Variants in CASKIN1 observed in about 807,000 individuals in gnomAD.
CASKIN1 encodes CASK interacting protein 1.
A neutral mutation model predicts 117.5 loss-of-function variants in CASKIN1; 42 were observed. The ratio of observed to expected loss-of-function variants is 0.36; its 90% CI spans 0.28 to 0.46. The LOEUF is 0.46. Ranked by LOEUF, CASKIN1 falls within the 20% of genes least tolerant of loss-of-function variation. The probability of loss-of-function intolerance (pLI) is 1.00; values close to 1 mark genes in which losing one functional copy is unlikely to be tolerated. For synonymous variants in CASKIN1, 1,148 were observed against 961.7 expected, an observed-to-expected ratio of 1.19 and a Z score of -3.59; for missense variants, 2,083 against 2,077.3, an observed-to-expected ratio of 1.00 and a Z score of -0.05.
At position 2,189,448 on chromosome 16, in the gene CASKIN1, G is replaced by A. The variant is rs752609040; in HGVS notation, c.361C>T (p.Leu121=). The stretch of plus-strand genomic sequence containing the variant: ...TCATAGTGACCATGCTGGGCCGCCA[G>A]GTGCAGGGGGATGTGGCCCTCATCA... ...PSDEGHIPLH[L]AAQHGHYDVS... is the part of the protein sequence containing the mutation. The change falls in exon 4 of 20, where the codon CTG becomes TTG. Residue 121 remains leucine, a synonymous_variant. Transcript: ENST00000343516. 3 of 1,612,092 alleles carry A rather than the reference G, an allele frequency of 1.9e-6. No homozygotes were observed. Among genetic ancestry groups the A allele is most frequent in the Non-Finnish European group, 2.5e-6 (3 of 1,179,710 alleles).
In CASKIN1 at chr16:2,179,452, G is replaced by T; in HGVS notation, c.3776-127C>A. On this transcript the variant is annotated intron_variant, in intron 18 of 19. Coordinates refer to ENST00000343516, the MANE Select transcript of CASKIN1 (RefSeq NM_020764.4). The surrounding 1 kb of genome is among the most constrained non-coding windows in gnomAD (Gnocchi z 5.8). ...CCTGCTCACCTTGCCCCCAGCCCTG[G>T]ATGGATGAGAGGGTCTGGGGACACG... The T allele has an allele frequency of 7.2e-7, 1 of 1,383,010 alleles. No individual in the cohort carries two copies. Among genetic ancestry groups the T allele is most frequent in the Non-Finnish European group, 9.3e-7 (1 of 1,073,942 alleles). 85.7% of individuals were successfully genotyped at this position (1,383,010 alleles called of 1,614,324 possible).
At chr16:2,186,002 G>T (rs915759897) in intron 10 of CASKIN1, among the ~76,000 whole-genome samples, 4 of 151,730 alleles carry the variant, frequency 2.6e-5, no homozygotes, top group Admixed American at 6.6e-5. Flanking sequence ...TTTTTTTTGA[G>T]ACAGGGTCTT....
chr16:2,195,690 G>A (rs563390901), intron 1 of CASKIN1, among the ~76,000 whole-genome samples: 144 of 152,322 alleles, frequency 9.5e-4, no homozygotes, highest in African/African-American at 3.5e-3. Flanking sequence ...CTCTGCTGGA[G>A]CCTGCCTGAG....
At position 2,180,843 on chromosome 16, in the gene CASKIN1, C is replaced by T. The variant is rs748737318; in HGVS notation, c.2525G>A (p.Gly842Asp). The T allele has an allele frequency of 7.9e-6, 11 of 1,388,736 alleles. No individual in the cohort carries two copies. In the Admixed American group the frequency reaches 3.9e-4, roughly 50 times the overall value. The allele number at this position is 1,388,736 out of a possible 1,614,324, so 86.0% of individuals were successfully genotyped here. The change falls in exon 18 of 20, where the codon GGC becomes GAC. Residue 842 changes from glycine (G) to aspartate (D), a missense_variant. This residue lies in a region of CASKIN1 where 1,818 missense variants were observed against 1,688.9 expected (regional missense o/e 1.08). Transcript: ENST00000343516. ...FAYVLPQPVE[G>D]EVGPAAPGPA... ...CCCCGGGGCAGCCGGCCCCACCTCG[C>T]CCTCCACGGGCTGGGGCAGCACGTA...
chr16:2,190,857 C>T, intron 1 of CASKIN1, among the ~76,000 whole-genome samples: 2 of 152,324 alleles, frequency 1.3e-5, no homozygotes, highest in Non-Finnish European at 2.9e-5. Flanking sequence ...CGTGCAGCAC[C>T]CCCACTGCCA....
In CASKIN1 at chr16:2,180,546, C is replaced by T. The variant is rs751969722; in HGVS notation, c.2822G>A (p.Arg941Gln). ...NRSQSFAVRP[R>Q]KKGPPPPPPK... The stretch of plus-strand genomic sequence containing the variant: ...TGGGGGCGGCGGGGGCCCCTTCTTT[C>T]GGGGCCGCACGGCAAAGGACTGGCT... Residue 941 changes from arginine to glutamine, a missense_variant, in exon 18 of 20, where the codon CGA becomes CAA. Transcript: ENST00000343516. 6.5e-6 allele frequency: 10 copies of T among 1,545,104 alleles called. No individual in the cohort carries two copies. The highest frequency in any genetic ancestry group is 1.7e-6 in the Non-Finnish European group (2 of 1,151,956).
chr16:2,187,523 C>A (rs2093188515), intron 6 of CASKIN1, 62 bp from the exon 7 acceptor site: 2 of 1,343,736 alleles, frequency 1.5e-6, no homozygotes, highest in East Asian at 2.4e-5. Context: ...CCAGCACCCC[C>A]AAGCCAGGCC....
chr16:2,177,653 G>A lies in CASKIN1; in HGVS notation c.*897C>T, dbSNP rs2141302833. 4.2e-6 allele frequency: 1 copy of A among 239,780 alleles called. No individual in the cohort carries two copies. Among genetic ancestry groups the A allele is most frequent in the Admixed American group, 5.4e-5 (1 of 18,570 alleles). The allele number at this position is 239,780 out of a possible 1,614,324, so 14.9% of individuals were successfully genotyped here. A position where few individuals can be genotyped will look rare whatever the true frequency, so the allele number is the denominator to read the frequency against. On this transcript the variant is annotated 3_prime_UTR_variant, in exon 20 of 20. Coordinates refer to ENST00000343516, the MANE Select transcript of CASKIN1 (RefSeq NM_020764.4). ...GGAGAGGGGGCCAGGCACACCCTCA[G>A]AGGAGCTGCAAGCCCGTGGCCTGGC...
At position 2,178,356 on chromosome 16, in the gene CASKIN1, T is replaced by C. The variant is rs2093150695; in HGVS notation, c.*194A>G. 2.2e-6 allele frequency: 1 copy of C among 463,956 alleles called. No homozygotes were observed. Among genetic ancestry groups the C allele is most frequent in the African/African-American group, 2.1e-5 (1 of 47,112 alleles). 28.7% of individuals were successfully genotyped at this position (463,956 alleles called of 1,614,324 possible). On this transcript the variant is annotated 3_prime_UTR_variant, in exon 20 of 20. Transcript: ENST00000343516. ...GTGGGGAGGACCCGCGGGCGCAGGG[T>C]CTGCCTAGAGCCCTTGGAGCCCCCG...
Position 2,196,202 on chromosome 16 carries a change from G to A in CASKIN1, c.94+137C>T. On this transcript the variant is annotated intron_variant, in intron 1 of 19. Transcript: ENST00000343516. This position sits in a 1 kb window ranked among gnomAD's most constrained non-coding sequence, Gnocchi z 5.7. ...CAGCGGGTGGAGGGCACGGACCAAG[G>A]GTCTGGGCGCTGCTGGCCCCGCCCC... 7.7e-6 allele frequency: 2 copies of A among 259,776 alleles called. No homozygotes were observed. 16.1% of individuals were successfully genotyped at this position (259,776 alleles called of 1,614,324 possible). A position where few individuals can be genotyped will look rare whatever the true frequency, so the allele number is the denominator to read the frequency against.
At chr16:2,188,758 G>C (rs2093192264) in intron 6 of CASKIN1, 1 of 447,762 alleles carries the variant, frequency 2.2e-6, no homozygotes, top group Non-Finnish European at 4.0e-6. Flanking sequence ...TTACGGATGG[G>C]AAAGTGAGGC....
chr16:2,194,406 C>A (rs1029717812), intron 1 of CASKIN1, among the ~76,000 whole-genome samples: 1 of 151,960 alleles, frequency 6.6e-6, no homozygotes, highest in Non-Finnish European at 1.5e-5. Context: ...CAGGGCGAGT[C>A]GGGGGCTGGC....
intron 1 of CASKIN1, among the ~76,000 whole-genome samples, chr16:2,192,279 G>A (rs543946002): frequency 6.6e-6 from 1 of 151,798 alleles, no homozygotes; most frequent in African/African-American, 2.4e-5. Context: ...TTCCAACCTG[G>A]GTGACAGAGC....
chr16:2,179,884 C>T lies in CASKIN1; in HGVS notation c.3484G>A (p.Glu1162Lys), dbSNP rs1191475083. 1 of 1,605,322 alleles carries T rather than the reference C, an allele frequency of 6.2e-7. No homozygotes were observed. Among genetic ancestry groups the T allele is most frequent in the Non-Finnish European group, 8.5e-7 (1 of 1,176,120 alleles). Residue 1162 changes from glutamate (E) to lysine (K), a missense_variant, in exon 18 of 20, where the codon GAG (glutamate) becomes AAG (lysine). Glu to Lys is a moderately conservative substitution (Grantham distance 56). Transcript: ENST00000343516. The surrounding 1 kb of genome is among the most constrained non-coding windows in gnomAD (Gnocchi z 5.8). ...PKAKEREAGP[E>K]PPPPLSVYHN... The stretch of plus-strand genomic sequence containing the variant: ...TACACGGACAGTGGCGGTGGTGGCT[C>T]AGGCCCGGCCTCCCGCTCCTTGGCC...
chr16:2,196,376 C>T lies in CASKIN1; in HGVS notation c.57G>A (p.Ala19=), dbSNP rs1321336117. The T allele has an allele frequency of 1.5e-6, 2 of 1,366,372 alleles. No individual in the cohort carries two copies. Among genetic ancestry groups the T allele is most frequent in the South Asian group, 1.4e-5 (1 of 70,424 alleles). The allele number at this position is 1,366,372 out of a possible 1,614,324, so 84.6% of individuals were successfully genotyped here. The change falls in exon 1 of 20, where the codon GCG becomes GCA. Residue 19 remains alanine (A), a synonymous_variant. Transcript: ENST00000343516. The surrounding 1 kb of genome is among the most constrained non-coding windows in gnomAD (Gnocchi z 5.7). ...QAVKAEDVGT[A]QRLLQRPRPG... is the part of the protein sequence containing the mutation. ...GCCGCGGCCTCTGCAGCAGCCTCTGCGCGGTCCCTACGTCCTCCGCCTTCA... is the reference window on the plus strand; with the variant it reads ...GCCGCGGCCTCTGCAGCAGCCTCTGTGCGGTCCCTACGTCCTCCGCCTTCA...
chr16:2,191,927 C>T (rs1178657707), intron 1 of CASKIN1, among the ~76,000 whole-genome samples: 1 of 152,246 alleles, frequency 6.6e-6, no homozygotes, highest in African/African-American at 2.4e-5. Context: ...CCCCTCCCCA[C>T]TGGTGTCGCT....
chr16:2,190,217 C>A, intron 2 of CASKIN1, 47 bp from the exon 3 acceptor site: 1 of 1,603,712 alleles, frequency 6.2e-7, no homozygotes, highest in Non-Finnish European at 8.5e-7. Flanking sequence ...GGCGCCCCGG[C>A]CTTCCCGGCA....
intron 2 of CASKIN1, 47 bp downstream of exon 2, chr16:2,190,260 G>T: frequency 6.3e-7 from 1 of 1,582,856 alleles, no homozygotes; most frequent in East Asian, 2.3e-5. Context: ...GGCCTCTCTA[G>T]GAGCCACCCT....
intron 1 of CASKIN1, among the ~76,000 whole-genome samples, chr16:2,194,126 G>A (rs1288043882): frequency 6.6e-6 from 1 of 152,200 alleles, no homozygotes; most frequent in African/African-American, 2.4e-5. Context: ...TCCCAGGCTA[G>A]AAGGGAGCTA....
Sources: allele counts gnomAD v4.1 joint callset (sites outside exome capture counted in the v4.1 genomes callset), GRCh38; gene constraint gnomAD v4.1.1; regional missense constraint gnomAD v4.1.1; non-coding constraint Gnocchi (gnomAD v3.1); transcripts MANE v1.5; gene names NCBI Gene and HGNC (gene_info 2026-07-23, HGNC 2026-07-21).